The following CORIN variants were observed in gnomAD, a reference collection of about 807,000 sequenced individuals.
CORIN encodes corin, serine peptidase, also known as atrial natriuretic peptide-converting enzyme.
Under a neutral mutation model 125.3 loss-of-function variants are expected in CORIN, and 117 were observed. That is an observed-to-expected ratio of 0.93 (90% CI 0.80 to 1.09). CORIN has a LOEUF of 1.09. Ranked by LOEUF, CORIN falls within the 50% of genes least tolerant of loss-of-function variation. CORIN has a pLI of 0.00. For synonymous variants in CORIN, 450 were observed against 466.4 expected, an observed-to-expected ratio of 0.96 and a Z score of 0.45; for missense variants, 1,253 against 1,306.7, an observed-to-expected ratio of 0.96 and a Z score of 0.63.
intron 2 of CORIN, among the ~76,000 whole-genome samples, chr4:47,794,109 G>T (rs1293599852): frequency 6.6e-6 from 1 of 152,184 alleles, no homozygotes; most frequent in East Asian, 1.9e-4. Context: ...GTAATGTGGA[G>T]TCAGGTCATG....
chr4:47,794,889 C>T (rs555000376), intron 2 of CORIN, among the ~76,000 whole-genome samples: 16 of 151,906 alleles, frequency 1.1e-4, no homozygotes, highest in Admixed American at 3.3e-4. Context: ...CTTTTTTTTC[C>T]GATGTTTTCT....
intron 3 of CORIN, among the ~76,000 whole-genome samples, chr4:47,774,291 C>T (rs1011436947): frequency 4.6e-5 from 7 of 152,044 alleles, no homozygotes; most frequent in South Asian, 4.1e-4. Context: ...CGGTGGGAGC[C>T]GGGAACAGGT....
chr4:47,719,887 C>T (rs1467542195), intron 5 of CORIN, among the ~76,000 whole-genome samples: 1 of 152,154 alleles, frequency 6.6e-6, no homozygotes, highest in Non-Finnish European at 1.5e-5. Context: ...ATTCTATATG[C>T]TATTTGGTGG....
intron 5 of CORIN, among the ~76,000 whole-genome samples, chr4:47,694,537 T>G (rs1277535333): frequency 6.6e-6 from 1 of 152,068 alleles, no homozygotes; most frequent in East Asian, 1.9e-4. Flanking sequence ...CACCATTCCC[T>G]GCAGTATGTA....
At chr4:47,745,148 A>G (rs1480318639) in intron 4 of CORIN, among the ~76,000 whole-genome samples, 3 of 152,200 alleles carry the variant, frequency 2.0e-5, no homozygotes, top group Admixed American at 6.5e-5. Flanking sequence ...CATCTGCAAA[A>G]TAAAAAAAAA....
chr4:47,661,924 TTA>T, intron 11 of CORIN, 68 bp from the exon 12 acceptor site: 8 of 1,443,058 alleles, frequency 5.5e-6, no homozygotes, highest in Non-Finnish European at 7.5e-6. Context: ...TGTCATAAAT[TTA>T]TGTCAAGTTT....
intron 1 of CORIN, among the ~76,000 whole-genome samples, chr4:47,820,351 G>C (rs544928911): frequency 6.6e-6 from 1 of 152,016 alleles, no homozygotes; most frequent in Admixed American, 6.6e-5. Flanking sequence ...AAAGAGACCT[G>C]AGAAAAGGCC....
intron 12 of CORIN, among the ~76,000 whole-genome samples, chr4:47,653,926 A>G (rs1723848604): frequency 6.6e-6 from 1 of 152,222 alleles, no homozygotes; most frequent in African/African-American, 2.4e-5. Flanking sequence ...ACAACCCAAC[A>G]ATTGCCAGAG....
intron 2 of CORIN, among the ~76,000 whole-genome samples, chr4:47,799,391 C>T (rs1321612060): frequency 6.6e-6 from 1 of 152,092 alleles, no homozygotes; most frequent in East Asian, 1.9e-4. Context: ...ATTTACATTT[C>T]CACCAACAGC....
chr4:47,623,786 A>G, intron 18 of CORIN, 41 bp from the exon 19 acceptor site: 1 of 1,600,838 alleles, frequency 6.2e-7, no homozygotes, highest in Middle Eastern at 1.7e-4. Context: ...GTTGATGCCA[A>G]ACCTTGCTAA....
intron 10 of CORIN, among the ~76,000 whole-genome samples, chr4:47,668,227 T>C (rs1724567943): frequency 6.6e-6 from 1 of 152,198 alleles, no homozygotes; most frequent in Non-Finnish European, 1.5e-5. Flanking sequence ...TGTTACAAGA[T>C]TTAAAAATGC....
chr4:47,674,770 A>G (rs143684614), intron 9 of CORIN, among the ~76,000 whole-genome samples: 43 of 152,304 alleles, frequency 2.8e-4, no homozygotes, highest in Non-Finnish European at 4.9e-4. Context: ...TTTAATGGGA[A>G]AAAAATAGTG....
At chr4:47,715,223 A>G (rs186421080) in intron 5 of CORIN, among the ~76,000 whole-genome samples, 11 of 152,364 alleles carry the variant, frequency 7.2e-5, no homozygotes, top group Admixed American at 2.0e-4. Flanking sequence ...TACTGATTAC[A>G]ACTGAAAACA....
chr4:47,638,234 G>C (rs1723105345), intron 16 of CORIN, among the ~76,000 whole-genome samples: 1 of 152,182 alleles, frequency 6.6e-6, no homozygotes, highest in Non-Finnish European at 1.5e-5. Context: ...GATTTTACAG[G>C]CTTATAAGAT....
chr4:47,774,304 G>A (rs1730190380), intron 3 of CORIN, among the ~76,000 whole-genome samples: 1 of 151,960 alleles, frequency 6.6e-6, no homozygotes, highest in African/African-American at 2.4e-5. Context: ...GAACAGGTGG[G>A]AGCCCCACCC....
chr4:47,718,805 G>A (rs13113090), intron 5 of CORIN, among the ~76,000 whole-genome samples: 13,995 of 152,164 alleles, frequency 0.092, 768 homozygotes, highest in East Asian at 0.27. Flanking sequence ...TAAAGCAGAA[G>A]ATGTCTATTC....
chr4:47,695,181 C>T (rs972813510), intron 5 of CORIN, among the ~76,000 whole-genome samples: 24 of 152,182 alleles, frequency 1.6e-4, no homozygotes, highest in African/African-American at 5.3e-4. Context: ...AAATGAAAAA[C>T]CAAAATACTA....
intron 1 of CORIN, among the ~76,000 whole-genome samples, chr4:47,823,476 G>A (rs910714748): frequency 6.6e-6 from 1 of 152,264 alleles, no homozygotes; most frequent in Non-Finnish European, 1.5e-5. Context: ...GGGTGGTGTT[G>A]TTCCCAGTTT....
chr4:47,797,516 T>G (rs1731349542), intron 2 of CORIN, among the ~76,000 whole-genome samples: 1 of 151,980 alleles, frequency 6.6e-6, no homozygotes, highest in Non-Finnish European at 1.5e-5. Context: ...TTTAGGCAAT[T>G]CAAATATCTT....
Sources: gnomAD v4.1 joint callset for allele counts (sites outside exome capture counted in the v4.1 genomes callset) on GRCh38, gnomAD v4.1.1 for gene constraint, MANE v1.5 for transcripts, NCBI Gene and HGNC (gene_info 2026-07-23, HGNC 2026-07-21) for gene names.